The following ELMO1 variants were observed in gnomAD, a reference collection of about 807,000 sequenced individuals.
ELMO1 encodes engulfment and cell motility 1.
Under a neutral mutation model 98.9 loss-of-function variants are expected in ELMO1, and 26 were observed. The ratio of observed to expected loss-of-function variants is 0.26; its 90% CI spans 0.19 to 0.36. The LOEUF is 0.36. Ranked by LOEUF, ELMO1 falls within the 10% of genes least tolerant of loss-of-function variation. ELMO1 has a pLI of 1.00. For missense variants in ELMO1, 627 were observed against 935.2 expected (o/e 0.67, Z 4.30); for synonymous variants, 346 against 346.0 (o/e 1.00, Z 0.00).
intron 5 of ELMO1, among the ~76,000 whole-genome samples, chr7:37,267,472 T>C (rs1399164690): frequency 2.0e-5 from 3 of 152,260 alleles, no homozygotes. Context: ...GTGTTCATCC[T>C]GCAGTGCTTT....
chr7:37,227,905 A>C (rs1164758366), intron 8 of ELMO1, among the ~76,000 whole-genome samples: 1 of 152,172 alleles, frequency 6.6e-6, no homozygotes, highest in Non-Finnish European at 1.5e-5. Context: ...CTTTCATGAA[A>C]GTATTCTTTA....
At chr7:36,997,455 T>C (rs901265234) in intron 16 of ELMO1, among the ~76,000 whole-genome samples, 2 of 151,950 alleles carry the variant, frequency 1.3e-5, no homozygotes, top group African/African-American at 2.4e-5. Context: ...GCCCTTCTCA[T>C]AGAGTGGTGA....
intron 5 of ELMO1, among the ~76,000 whole-genome samples, chr7:37,263,772 G>A (rs186069199): frequency 1.1e-4 from 17 of 152,172 alleles, no homozygotes; most frequent in African/African-American, 4.1e-4. Context: ...TGATGTGTCT[G>A]GGGTCTGCAG....
At chr7:37,332,008 T>C (rs1800152823) in intron 2 of ELMO1, among the ~76,000 whole-genome samples, 1 of 152,008 alleles carries the variant, frequency 6.6e-6, no homozygotes, top group African/African-American at 2.4e-5. Context: ...GTCAGGGTGG[T>C]CAACGAAGAA....
intron 1 of ELMO1, among the ~76,000 whole-genome samples, chr7:37,369,360 T>C (rs1422209473): frequency 2.0e-5 from 3 of 152,206 alleles, no homozygotes; most frequent in Non-Finnish European, 4.4e-5. Context: ...AAATCTGAAA[T>C]GCTTCCATGA....
chr7:37,208,329 A>C (rs1361405318), intron 13 of ELMO1, among the ~76,000 whole-genome samples: 1 of 152,236 alleles, frequency 6.6e-6, no homozygotes, highest in Non-Finnish European at 1.5e-5. Flanking sequence ...CATGGCTCAA[A>C]AGGAGGAAAG....
At chr7:37,381,514 AC>A (rs1802580008) in intron 1 of ELMO1, among the ~76,000 whole-genome samples, 1 of 152,234 alleles carries the variant, frequency 6.6e-6, no homozygotes. Context: ...ACTGGCTACT[AC>A]CTCTTAAGTG....
intron 15 of ELMO1, among the ~76,000 whole-genome samples, chr7:37,037,677 C>T (rs543345713): frequency 5.9e-5 from 9 of 152,282 alleles, no homozygotes; most frequent in African/African-American, 1.9e-4. Flanking sequence ...CTGGGGTCAA[C>T]AGAAGTTTTG....
chr7:37,092,650 C>T (rs1784173192), intron 15 of ELMO1, among the ~76,000 whole-genome samples: 1 of 152,256 alleles, frequency 6.6e-6, no homozygotes, highest in African/African-American at 2.4e-5. Context: ...GCTGGGATTA[C>T]AGGCGTGAGC....
chr7:36,903,924 AC>A (rs894326584), intron 16 of ELMO1, among the ~76,000 whole-genome samples: 4 of 152,166 alleles, frequency 2.6e-5, no homozygotes, highest in African/African-American at 9.6e-5. Flanking sequence ...CGGACAGGGG[AC>A]TGTGCCTGCT....
At chr7:36,989,490 C>G (rs1791728978) in intron 16 of ELMO1, among the ~76,000 whole-genome samples, 1 of 152,174 alleles carries the variant, frequency 6.6e-6, no homozygotes, top group African/African-American at 2.4e-5. Flanking sequence ...TTAGGAACCA[C>G]TGCTAAGAGA....
chr7:36,984,280 T>C (rs892771133), intron 16 of ELMO1, among the ~76,000 whole-genome samples: 3 of 152,224 alleles, frequency 2.0e-5, no homozygotes, highest in African/African-American at 7.2e-5. Flanking sequence ...TGGAGCCTCA[T>C]GGGATCAGAG....
intron 17 of ELMO1, among the ~76,000 whole-genome samples, chr7:36,887,965 G>T (rs1318304750): frequency 1.3e-5 from 2 of 152,140 alleles, no homozygotes; most frequent in African/African-American, 4.8e-5. Context: ...ATTTTACAAA[G>T]CCACGGATAC....
intron 14 of ELMO1, among the ~76,000 whole-genome samples, chr7:37,100,774 G>A (rs1223214573): frequency 1.3e-5 from 2 of 152,220 alleles, no homozygotes; most frequent in Non-Finnish European, 2.9e-5. Flanking sequence ...ACGAAGGACA[G>A]TGTGTGTGAG....
intron 14 of ELMO1, among the ~76,000 whole-genome samples, chr7:37,106,552 T>C (rs1784957024): frequency 6.6e-6 from 1 of 152,142 alleles, no homozygotes; most frequent in South Asian, 2.1e-4. Context: ...ACATTTCTAT[T>C]GTTTATAACT....
At chr7:37,142,677 A>G (rs1180044135) in intron 13 of ELMO1, among the ~76,000 whole-genome samples, 1 of 152,254 alleles carries the variant, frequency 6.6e-6, no homozygotes, top group African/African-American at 2.4e-5. Context: ...AGGCTAATCA[A>G]TATTAGCCAC....
Position 36,868,648 on chromosome 7 carries a change from C to T in ELMO1, c.1905+1745G>A, listed in dbSNP as rs142818873. On this transcript the variant is annotated intron_variant, in intron 20 of 21. Transcript: ENST00000310758. ...CAGGCGCGAGCCACCACACCCTGCC[C>T]GCTTCTCCTTATTCTGAGGATGGGA... Among the ~76,000 whole-genome samples, 18 of 152,282 alleles carry T rather than the reference C, an allele frequency of 1.2e-4. No individual in the cohort carries two copies. The East Asian group carries it at 3.1e-3, about 26-fold the overall frequency.
intron 13 of ELMO1, among the ~76,000 whole-genome samples, chr7:37,167,435 A>G (rs1289740440): frequency 4.0e-5 from 6 of 151,740 alleles, no homozygotes; most frequent in African/African-American, 9.7e-5. Context: ...TCCTAGTCTC[A>G]ATGGTCTTTA....
At chr7:36,944,117 C>T (rs189789687) in intron 16 of ELMO1, among the ~76,000 whole-genome samples, 4 of 152,244 alleles carry the variant, frequency 2.6e-5, no homozygotes, top group African/African-American at 4.8e-5. Context: ...GATCTTAGAA[C>T]GTTACATAGA....
Sources: gnomAD v4.1 joint callset for allele counts (sites outside exome capture counted in the v4.1 genomes callset) on GRCh38, gnomAD v4.1.1 for gene constraint, MANE v1.5 for transcripts, NCBI Gene and HGNC (gene_info 2026-07-23, HGNC 2026-07-21) for gene names.